Variants in AFM observed in about 807,000 individuals in gnomAD.
AFM encodes alpha-Alb.
A neutral mutation model predicts 68.7 loss-of-function variants in AFM; 82 were observed. The observed-to-expected ratio is 1.19, with a 90% CI of 1.00 to 1.43. The LOEUF is 1.43. Ranked by LOEUF, AFM falls within the 40% of genes most tolerant of loss-of-function variation. The probability of loss-of-function intolerance (pLI) is 0.00; values close to 1 mark genes in which losing one functional copy is unlikely to be tolerated. For synonymous variants in AFM, 250 were observed against 234.2 expected (o/e 1.07, Z -0.61); for missense variants, 772 against 701.8 (o/e 1.10, Z -1.13).
intron 9 of AFM, among the ~76,000 whole-genome samples, chr4:73,496,416 T>A (rs1190938311): frequency 1.3e-5 from 2 of 152,204 alleles, no homozygotes; most frequent in Admixed American, 1.3e-4. Context: ...TTTATCTTTA[T>A]TAATATTTAT....
chr4:73,491,782 C>A (rs138658484), intron 7 of AFM, 90 bp from the exon 8 acceptor site: 1 of 1,043,662 alleles, frequency 9.6e-7, no homozygotes, highest in Non-Finnish European at 1.4e-6. Context: ...CCAGATGCTG[C>A]GATCATGACT....
At chr4:73,489,487 A>C (rs751505404) in intron 7 of AFM, among the ~76,000 whole-genome samples, 5 of 151,930 alleles carry the variant, frequency 3.3e-5, no homozygotes, top group Non-Finnish European at 7.4e-5. Context: ...TACCTCACAT[A>C]CTTATTTTTT....
Position 73,481,755 on chromosome 4 carries a change from G to A in AFM, c.-21G>A, listed in dbSNP as rs762766274. ...TTCCTCAACAACATTACTTTCTTTT[G>A]TAAATGTGGTTTCTACAAAGATGAA... On this transcript the variant is annotated 5_prime_UTR_variant, in exon 1 of 15. Coordinates refer to ENST00000226355, the MANE Select transcript of AFM (RefSeq NM_001133.2). 6 of 1,423,290 alleles carry A rather than the reference G, an allele frequency of 4.2e-6. No homozygotes were observed. The South Asian group carries it at 4.9e-5, about 12-fold the overall frequency. 88.2% of individuals were successfully genotyped at this position (1,423,290 alleles called of 1,614,324 possible). A position where few individuals can be genotyped will look rare whatever the true frequency, so the allele number is the denominator to read the frequency against.
chr4:73,485,586 A>G (rs527384969), intron 3 of AFM, among the ~76,000 whole-genome samples: 4 of 136,804 alleles, frequency 2.9e-5, no homozygotes, highest in African/African-American at 1.0e-4. Context: ...AGAGAAGGAG[A>G]AGGAGAAGAG....
intron 8 of AFM, among the ~76,000 whole-genome samples, chr4:73,492,447 C>T (rs771911178): frequency 2.0e-4 from 31 of 152,256 alleles, no homozygotes; most frequent in Non-Finnish European, 4.0e-4. Context: ...TTCAGATTCA[C>T]AGCTAAAAAG....
In AFM at chr4:73,487,771, A is replaced by C. The variant is rs764689296; in HGVS notation, c.663A>C (p.Lys221Asn). 4.3e-6 allele frequency: 7 copies of C among 1,613,400 alleles called. No individual in the cohort carries two copies. The African/African-American group carries it at 5.3e-5, about 12-fold the overall frequency. Reference protein sequence around the residue: ...QYLKAFSSYQKHVCGALLKFG... With the variant: ...QYLKAFSSYQNHVCGALLKFG... ...TAAAAGCATTTTCTTCTTATCAAAAACATGTCTGTGGGGCACTTTTGAAAT... is the reference window on the plus strand; with the variant it reads ...TAAAAGCATTTTCTTCTTATCAAAACCATGTCTGTGGGGCACTTTTGAAAT... Residue 221 changes from lysine (K) to asparagine (N), a missense_variant, in exon 6 of 15, where the codon AAA (lysine) becomes AAC (asparagine). By Grantham distance (94) the Lys-to-Asn change is moderately conservative. Transcript: ENST00000226355.
chr4:73,497,077 G>T (rs1430776598), intron 9 of AFM, among the ~76,000 whole-genome samples: 3 of 152,048 alleles, frequency 2.0e-5, no homozygotes, highest in Non-Finnish European at 2.9e-5. Flanking sequence ...GCTATCCACT[G>T]GTGTTTAGTT....
intron 7 of AFM, 65 bp downstream of exon 7, chr4:73,488,824 A>C (rs1720988716): frequency 6.5e-7 from 1 of 1,528,550 alleles, no homozygotes; most frequent in Non-Finnish European, 8.9e-7. Context: ...TTTATTCTCA[A>C]GTTGCCCTGA....
intron 8 of AFM, chr4:73,495,098 C>T: frequency 2.6e-6 from 1 of 381,464 alleles, no homozygotes; most frequent in Non-Finnish European, 4.6e-6. Context: ...TATTGTTAAT[C>T]TAAAACGTAC....
intron 14 of AFM, 72 bp downstream of exon 14, chr4:73,503,182 C>G: frequency 8.4e-7 from 1 of 1,185,354 alleles, no homozygotes. Context: ...TTTTCTCCCT[C>G]ATGCTTCTTT....
At chr4:73,484,446 CTTTCTTTCTT>C in intron 3 of AFM, 56 bp downstream of exon 3, 1 of 180,800 alleles carries the variant, frequency 5.5e-6, no homozygotes, top group Non-Finnish European at 1.0e-5. Flanking sequence ...CTTTCTCTTT[CTTTCTTTCTT>C]TCTTTCTTTC....
intron 14 of AFM, among the ~76,000 whole-genome samples, chr4:73,503,581 G>A (rs2071097): frequency 0.29 from 44,049 of 151,934 alleles, 6,883 homozygotes; most frequent in Admixed American, 0.42. Flanking sequence ...CAGCATTTAC[G>A]TGAACAAAAA....
At chr4:73,497,504 G>C (rs148187308) in intron 9 of AFM, 148 bp from the exon 10 acceptor site, 1 of 402,144 alleles carries the variant, frequency 2.5e-6, no homozygotes, top group Non-Finnish European at 4.3e-6. Flanking sequence ...GTTCTTGCAC[G>C]TGCTTGTAAA....
At position 73,492,085 on chromosome 4, in the gene AFM, A is replaced by T; in HGVS notation, c.1057A>T (p.Lys353Ter). The T allele has an allele frequency of 1.9e-6, 3 of 1,604,230 alleles. No homozygotes were observed. The highest frequency in any genetic ancestry group is 2.6e-6 in the Non-Finnish European group (3 of 1,176,462). The change falls in exon 8 of 15, where the codon AAG becomes TAG. Residue 353 changes from lysine (K) to a stop codon, truncating the protein, a stop_gained and splice_region_variant. Transcript: ENST00000226355. LOFTEE classifies it high-confidence loss of function. ...TGCTGACCCAGACACCTTCTTTGCGAAGTAATATAACTCTTTATTGAATTT... is the reference window on the plus strand; with the variant it reads ...TGCTGACCCAGACACCTTCTTTGCGTAGTAATATAACTCTTTATTGAATTT... ...RDADPDTFFA[K>*]FTFEYSRRHP...
At chr4:73,486,696 C>T (rs1720910371) in intron 4 of AFM, among the ~76,000 whole-genome samples, 1 of 152,126 alleles carries the variant, frequency 6.6e-6, no homozygotes, top group Non-Finnish European at 1.5e-5. Flanking sequence ...AATCATTATT[C>T]CTACTTTGGA....
chr4:73,489,437 C>T (rs1721006401), intron 7 of AFM, among the ~76,000 whole-genome samples: 1 of 152,092 alleles, frequency 6.6e-6, no homozygotes, highest in Admixed American at 6.6e-5. Flanking sequence ...CATGCACACA[C>T]ATTGTGGAAT....
At chr4:73,491,456 T>C (rs1397018351) in intron 7 of AFM, among the ~76,000 whole-genome samples, 1 of 152,218 alleles carries the variant, frequency 6.6e-6, no homozygotes, top group Non-Finnish European at 1.5e-5. Context: ...TTTTGCCATG[T>C]GCTCAGCCAC....
At chr4:73,503,210 C>A in intron 14 of AFM, 100 bp downstream of exon 14, 1 of 910,206 alleles carries the variant, frequency 1.1e-6, no homozygotes, top group South Asian at 1.6e-5. Flanking sequence ...TCTGGTTCAT[C>A]CTACATGAAC....
In AFM at chr4:73,481,814, GT is replaced by G. The variant is rs561835861; in HGVS notation, c.47del (p.Leu16Ter). ...AACTTACAGGTTTTATTTTTTTCTT[GT>G]TTTTTTTGACTGAATCCCTAACCCT... ...LKLTGFIFFLFFLTESLTLPT... is the reference protein window; with the variant it reads ...LKLTGFIFFLXFLTESLTLPT... On this transcript the variant is annotated frameshift_variant, in exon 1 of 15. Coordinates refer to ENST00000226355, the MANE Select transcript of AFM (RefSeq NM_001133.2). LOFTEE classifies it high-confidence loss of function. 5.6e-5 allele frequency: 90 copies of G among 1,602,576 alleles called. No individual in the cohort carries two copies. Among genetic ancestry groups the G allele is most frequent in the Middle Eastern group, 1.7e-4 (1 of 6,018 alleles).
Sources: gnomAD v4.1 joint callset for allele counts (sites outside exome capture counted in the v4.1 genomes callset) on GRCh38, gnomAD v4.1.1 for gene constraint, MANE v1.5 for transcripts, NCBI Gene and HGNC (gene_info 2026-07-23, HGNC 2026-07-21) for gene names.